The following UNC13C variants were observed in gnomAD, a reference collection of about 807,000 sequenced individuals.
The protein encoded by UNC13C is unc-13 homolog C, also known as protein unc-13 homolog C.
Under a neutral mutation model 245.4 loss-of-function variants are expected in UNC13C, and 174 were observed. That is an observed-to-expected ratio of 0.71 (90% CI 0.63 to 0.80). The LOEUF (loss-of-function observed/expected upper bound fraction) is 0.80. Ranked by LOEUF, UNC13C falls within the 30% of genes least tolerant of loss-of-function variation. The pLI is 0.00. For synonymous variants in UNC13C, 992 were observed against 895.1 expected, an observed-to-expected ratio of 1.11 and a Z score of -1.93; for missense variants, 2,829 against 2,602.9, an observed-to-expected ratio of 1.09 and a Z score of -1.89.
At chr15:54,342,706 G>A (rs111390038) in intron 17 of UNC13C, among the ~76,000 whole-genome samples, 276 of 152,222 alleles carry the variant, frequency 1.8e-3, no homozygotes, top group African/African-American at 6.2e-3. Flanking sequence ...TTAGATGAAG[G>A]CAAGTAAGAC....
chr15:54,173,456 A>G (rs1191465448), intron 4 of UNC13C, among the ~76,000 whole-genome samples: 1 of 152,016 alleles, frequency 6.6e-6, no homozygotes, highest in African/African-American at 2.4e-5. Flanking sequence ...AATTTATCTC[A>G]AAGTATTTTA....
At chr15:53,889,278 G>A in the UNC13C span, among the ~76,000 whole-genome samples, 1 of 152,246 alleles carries the variant, frequency 6.6e-6, no homozygotes, top group South Asian at 2.1e-4. Context: ...TCCCTTGTAA[G>A]CTGTATTCCT....
chr15:54,301,171 T>C (rs1384653019), intron 13 of UNC13C, among the ~76,000 whole-genome samples: 1 of 152,122 alleles, frequency 6.6e-6, no homozygotes, highest in Non-Finnish European at 1.5e-5. Context: ...TTTTTCATAT[T>C]AACAACAAGA....
the UNC13C span, among the ~76,000 whole-genome samples, chr15:53,897,559 C>T: frequency 6.6e-5 from 10 of 152,264 alleles, no homozygotes; most frequent in South Asian, 6.2e-4. Context: ...GTATTATAGG[C>T]GTGTGCCATG....
chr15:54,007,733 A>C (rs1895204652), intron 1 of UNC13C, among the ~76,000 whole-genome samples: 1 of 152,182 alleles, frequency 6.6e-6, no homozygotes, highest in Middle Eastern at 3.2e-3. Context: ...CTATGTAACA[A>C]ACCTGCACAT....
At chr15:53,995,738 A>G (rs191170069) in intron 1 of UNC13C, among the ~76,000 whole-genome samples, 1 of 152,112 alleles carries the variant, frequency 6.6e-6, no homozygotes, top group Non-Finnish European at 1.5e-5. Flanking sequence ...AATGCCAAGT[A>G]GTTAATGGTT....
intron 17 of UNC13C, among the ~76,000 whole-genome samples, chr15:54,390,919 A>T (rs552599118): frequency 1.3e-5 from 2 of 152,058 alleles, no homozygotes; most frequent in African/African-American, 2.4e-5. Context: ...ATTGTGTGCT[A>T]TATAAAAACT....
chr15:54,243,631 A>G (rs186106841), intron 7 of UNC13C, among the ~76,000 whole-genome samples: 196 of 152,240 alleles, frequency 1.3e-3, no homozygotes, highest in African/African-American at 4.5e-3. Flanking sequence ...CAACCATGCC[A>G]GCATCTGTTG....
intron 10 of UNC13C, among the ~76,000 whole-genome samples, chr15:54,270,289 A>G (rs951184311): frequency 1.3e-5 from 2 of 152,194 alleles, no homozygotes; most frequent in Non-Finnish European, 2.9e-5. Flanking sequence ...GAACTCATCC[A>G]TACCTTCCCC....
the UNC13C span, among the ~76,000 whole-genome samples, chr15:53,931,075 A>G: frequency 3.3e-5 from 5 of 152,206 alleles, no homozygotes; most frequent in Admixed American, 1.3e-4. Flanking sequence ...ATGCCATTCA[A>G]TGACAGTGAC....
intron 10 of UNC13C, among the ~76,000 whole-genome samples, chr15:54,271,234 G>C (rs2036680453): frequency 6.6e-6 from 1 of 152,078 alleles, no homozygotes; most frequent in African/African-American, 2.4e-5. Context: ...GTAAACAAAT[G>C]TTTAATTCCT....
At chr15:54,083,105 C>T (rs1056183171) in intron 2 of UNC13C, among the ~76,000 whole-genome samples, 1 of 152,146 alleles carries the variant, frequency 6.6e-6, no homozygotes, top group Admixed American at 6.6e-5. Flanking sequence ...GAAGTGCCCA[C>T]CCTGATGGGG....
At chr15:54,172,750 A>AC in intron 4 of UNC13C, among the ~76,000 whole-genome samples, 1 of 82,818 alleles carries the variant, frequency 1.2e-5, no homozygotes, top group East Asian at 4.0e-4. Flanking sequence ...ATATATATAT[A>AC]TATATATATA....
intron 13 of UNC13C, among the ~76,000 whole-genome samples, chr15:54,319,962 G>T (rs181016111): frequency 6.6e-6 from 1 of 152,052 alleles, no homozygotes; most frequent in East Asian, 1.9e-4. Context: ...AGGTTTAAAA[G>T]AAATGATCTT....
chr15:54,621,132 C>A (rs909771355), intron 30 of UNC13C, among the ~76,000 whole-genome samples: 2 of 152,102 alleles, frequency 1.3e-5, no homozygotes, highest in African/African-American at 4.8e-5. Flanking sequence ...AAGGTTTTGG[C>A]CCAAATCTTG....
At chr15:54,460,585 T>C (rs1413064226) in intron 19 of UNC13C, among the ~76,000 whole-genome samples, 1 of 152,228 alleles carries the variant, frequency 6.6e-6, no homozygotes, top group Admixed American at 6.5e-5. Context: ...GATATAATCT[T>C]ACCCTAAGTT....
chr15:54,283,373 A>C (rs982302204), intron 10 of UNC13C, among the ~76,000 whole-genome samples: 8 of 152,178 alleles, frequency 5.3e-5, no homozygotes, highest in Non-Finnish European at 1.0e-4. Context: ...TAAGTATTAG[A>C]ATCATTATAA....
At chr15:54,145,472 C>T (rs1217799710) in intron 4 of UNC13C, among the ~76,000 whole-genome samples, 1 of 151,986 alleles carries the variant, frequency 6.6e-6, no homozygotes, top group Non-Finnish European at 1.5e-5. Context: ...GAATTACTCT[C>T]GTTCATATTC....
chr15:54,086,967 C>T (rs1899280175), intron 2 of UNC13C, among the ~76,000 whole-genome samples: 1 of 151,900 alleles, frequency 6.6e-6, no homozygotes, highest in Non-Finnish European at 1.5e-5. Context: ...AACTCCTGAC[C>T]TCATGATCCA....
Sources: allele counts gnomAD v4.1 joint callset (sites outside exome capture counted in the v4.1 genomes callset), GRCh38; gene constraint gnomAD v4.1.1; transcripts MANE v1.5; gene names NCBI Gene and HGNC (gene_info 2026-07-23, HGNC 2026-07-21).